Variants in GRIK4 observed in about 807,000 individuals in gnomAD.
GRIK4 encodes the protein glutamate receptor ionotropic, kainate 4.
A neutral mutation model predicts 104.9 loss-of-function variants in GRIK4; 40 were observed. The observed-to-expected ratio is 0.38, with a 90% CI of 0.30 to 0.50. GRIK4 has a LOEUF of 0.50. GRIK4 is among the 20% of genes least tolerant of loss of function. The pLI is 0.93. For missense variants in GRIK4, 1,047 were observed against 1,308.1 expected (o/e 0.80, Z 3.08); for synonymous variants, 485 against 524.9 (o/e 0.92, Z 1.04).
chr11:120,814,868 G>T (rs948826405), intron 4 of GRIK4, among the ~76,000 whole-genome samples: 1 of 152,032 alleles, frequency 6.6e-6, no homozygotes, highest in African/African-American at 2.4e-5. Context: ...TCTTGCCTCC[G>T]CTCCTTTTGA....
intron 3 of GRIK4, among the ~76,000 whole-genome samples, chr11:120,717,569 A>AT (rs1220369461): frequency 6.6e-6 from 1 of 151,774 alleles, no homozygotes; most frequent in African/African-American, 2.4e-5. Flanking sequence ...AAAAAAAAAA[A>AT]GCGATGGGAG....
intron 13 of GRIK4, among the ~76,000 whole-genome samples, chr11:120,906,975 A>T (rs1267969823): frequency 6.6e-6 from 1 of 152,180 alleles, no homozygotes; most frequent in African/African-American, 2.4e-5. Context: ...GCCCTGGACG[A>T]CTGCCATGGG....
intron 13 of GRIK4, among the ~76,000 whole-genome samples, chr11:120,918,230 CA>C (rs552007996): frequency 2.0e-5 from 3 of 152,238 alleles, no homozygotes; most frequent in African/African-American, 7.2e-5. Context: ...GATGATTCCC[CA>C]AGCCTAAGTC....
chr11:120,901,865 A>G (rs1030061120), intron 12 of GRIK4, among the ~76,000 whole-genome samples: 1 of 152,226 alleles, frequency 6.6e-6, no homozygotes, highest in Non-Finnish European at 1.5e-5. Context: ...GCTTATTCAC[A>G]TACGTGCACG....
At chr11:120,514,327 A>G (rs1343730958) in intron 1 of GRIK4, among the ~76,000 whole-genome samples, 1 of 152,172 alleles carries the variant, frequency 6.6e-6, no homozygotes, top group Non-Finnish European at 1.5e-5. Context: ...CCCTGCAAGC[A>G]TCTGATCGCT....
chr11:120,901,868 C>T (rs1046147790), intron 12 of GRIK4, among the ~76,000 whole-genome samples: 2 of 152,192 alleles, frequency 1.3e-5, no homozygotes, highest in African/African-American at 4.8e-5. Flanking sequence ...TATTCACATA[C>T]GTGCACGTGC....
At chr11:120,731,370 T>A (rs1436094164) in intron 3 of GRIK4, among the ~76,000 whole-genome samples, 1 of 152,160 alleles carries the variant, frequency 6.6e-6, no homozygotes, top group Non-Finnish European at 1.5e-5. Flanking sequence ...AATGTCACGT[T>A]GCTTGATTGT....
At chr11:120,823,519 C>T (rs117947483) in intron 6 of GRIK4, among the ~76,000 whole-genome samples, 2 of 152,302 alleles carry the variant, frequency 1.3e-5, no homozygotes, top group African/African-American at 2.4e-5. Flanking sequence ...GACGCCAGGT[C>T]GCACAGCTGG....
chr11:120,601,930 CT>C (rs1351958576), intron 1 of GRIK4, among the ~76,000 whole-genome samples: 1 of 152,070 alleles, frequency 6.6e-6, no homozygotes, highest in Non-Finnish European at 1.5e-5. Flanking sequence ...TAAGCGGCTT[CT>C]TTTTAAATGG....
At chr11:120,645,289 G>T (rs572533461) in intron 1 of GRIK4, among the ~76,000 whole-genome samples, 1 of 152,198 alleles carries the variant, frequency 6.6e-6, no homozygotes, top group Admixed American at 6.5e-5. Context: ...GTGTGACTGC[G>T]GTTCCCAGCC....
At chr11:120,697,556 G>A (rs532190483) in intron 3 of GRIK4, among the ~76,000 whole-genome samples, 6 of 152,266 alleles carry the variant, frequency 3.9e-5, no homozygotes, top group Non-Finnish European at 5.9e-5. Flanking sequence ...CAGAAGTTGT[G>A]GTGAGCCGAG....
At chr11:120,564,167 C>T (rs896167610) in intron 1 of GRIK4, among the ~76,000 whole-genome samples, 1 of 152,180 alleles carries the variant, frequency 6.6e-6, no homozygotes, top group African/African-American at 2.4e-5. Flanking sequence ...CCTCTCCCCA[C>T]GTGCGCGCTA....
chr11:120,760,730 A>G (rs548910812), intron 3 of GRIK4, among the ~76,000 whole-genome samples: 20 of 152,154 alleles, frequency 1.3e-4, no homozygotes, highest in Non-Finnish European at 2.4e-4. Flanking sequence ...TTTGCTGAGA[A>G]TAATGGTTTC....
At chr11:120,552,982 AGAG>A (rs1387820117) in intron 1 of GRIK4, among the ~76,000 whole-genome samples, 1 of 151,092 alleles carries the variant, frequency 6.6e-6, no homozygotes, top group African/African-American at 2.4e-5. Context: ...CGTGGGGGAC[AGAG>A]TGAGACTCCG....
chr11:120,557,201 A>G (rs769368929), intron 1 of GRIK4, among the ~76,000 whole-genome samples: 19 of 152,164 alleles, frequency 1.2e-4, no homozygotes, highest in Non-Finnish European at 2.8e-4. Flanking sequence ...ACCGGATAGA[A>G]TTCAGAAGGA....
chr11:120,662,109 C>T (rs1056242907), intron 3 of GRIK4, among the ~76,000 whole-genome samples: 4 of 152,216 alleles, frequency 2.6e-5, no homozygotes, highest in African/African-American at 7.2e-5. Context: ...CTCATGGCCT[C>T]GCCTCTCCCG....
At chr11:120,615,942 T>C (rs1055877152) in intron 1 of GRIK4, among the ~76,000 whole-genome samples, 3 of 151,170 alleles carry the variant, frequency 2.0e-5, no homozygotes, top group Non-Finnish European at 4.4e-5. Context: ...ATCCCAGGAG[T>C]TGGGGAGAAG....
chr11:120,530,632 C>T (rs1180203448), intron 1 of GRIK4, among the ~76,000 whole-genome samples: 21 of 152,188 alleles, frequency 1.4e-4, no homozygotes, highest in Non-Finnish European at 8.8e-5. Flanking sequence ...GGGTTCCAGA[C>T]GGAAGCCTCT....
chr11:120,958,204 C>T (rs1489096497), intron 16 of GRIK4, among the ~76,000 whole-genome samples: 2 of 152,248 alleles, frequency 1.3e-5, no homozygotes, highest in African/African-American at 4.8e-5. Flanking sequence ...ACCCCATTGC[C>T]CACTTTATCC....
Sources: allele counts gnomAD v4.1 joint callset (sites outside exome capture counted in the v4.1 genomes callset), GRCh38; gene constraint gnomAD v4.1.1; transcripts MANE v1.5; gene names NCBI Gene and HGNC (gene_info 2026-07-23, HGNC 2026-07-21).